The following ZNF578 variants were observed in gnomAD, a reference collection of about 807,000 sequenced individuals.
The protein encoded by ZNF578 is zinc finger protein 578.
ZNF578 carries 8 observed loss-of-function variants against 8.3 expected under a neutral mutation model. That is an observed-to-expected ratio of 0.96 (90% CI 0.56 to 1.74). The LOEUF (loss-of-function observed/expected upper bound fraction) is 1.74. Among genes scored for constraint, ZNF578 ranks in the 40% most tolerant of loss-of-function variants. ZNF578 has a pLI of 0.00. For missense variants in ZNF578, 726 were observed against 707.5 expected (o/e 1.03, Z -0.30); for synonymous variants, 206 against 232.2 (o/e 0.89, Z 1.03).
intron 3 of ZNF578, among the ~76,000 whole-genome samples, chr19:52,492,317 C>T (rs894957592): frequency 5.3e-5 from 8 of 152,098 alleles, no homozygotes; most frequent in Non-Finnish European, 7.4e-5. Context: ...CTCAGGCTTC[C>T]GCCTCGTGCC....
At chr19:52,495,779 A>G (rs576785245) in intron 3 of ZNF578, among the ~76,000 whole-genome samples, 9 of 151,900 alleles carry the variant, frequency 5.9e-5, no homozygotes, top group African/African-American at 2.2e-4. Flanking sequence ...ATGGCGTCAG[A>G]GGCAGCTTCC....
intron 1 of ZNF578, chr19:52,454,054 G>A (rs1434805007): frequency 6.6e-6 from 1 of 152,204 alleles, no homozygotes; most frequent in Non-Finnish European, 1.5e-5. Context: ...TCCTCCTTGG[G>A]CTGGGCCCTT....
intron 2 of ZNF578, chr19:52,474,643 G>A (rs2059302384): frequency 3.1e-6 from 1 of 322,704 alleles, no homozygotes; most frequent in Non-Finnish European, 6.4e-6. Context: ...ACATTTGTAA[G>A]GTTTCTCTCC....
At chr19:52,482,988 T>C (rs2122849293) in intron 2 of ZNF578, among the ~76,000 whole-genome samples, 1 of 151,006 alleles carries the variant, frequency 6.6e-6, no homozygotes, top group East Asian at 1.9e-4. Flanking sequence ...CATGCATCTG[T>C]AGTCCCATCT....
intron 2 of ZNF578, among the ~76,000 whole-genome samples, chr19:52,482,990 G>T (rs1226690279): frequency 6.7e-6 from 1 of 150,152 alleles, no homozygotes; most frequent in African/African-American, 2.5e-5. Flanking sequence ...TGCATCTGTA[G>T]TCCCATCTAC....
chr19:52,490,661 G>A (rs1306921796), intron 2 of ZNF578, among the ~76,000 whole-genome samples: 2 of 149,280 alleles, frequency 1.3e-5, no homozygotes, highest in Non-Finnish European at 1.5e-5. Flanking sequence ...TTTTTGAGAC[G>A]GAGTCTTGCT....
intron 5 of ZNF578, among the ~76,000 whole-genome samples, chr19:52,505,757 AGTTTGTT>A (rs2059423560): frequency 6.6e-6 from 1 of 152,020 alleles, no homozygotes; most frequent in Non-Finnish European, 1.5e-5. Flanking sequence ...ACCTATGTTC[AGTTTGTT>A]GTAGGGTCAA....
intron 2 of ZNF578, among the ~76,000 whole-genome samples, chr19:52,459,839 A>T (rs1302691339): frequency 1.6e-5 from 2 of 124,498 alleles, no homozygotes; most frequent in Non-Finnish European, 3.2e-5. Context: ...CAGTGGTGCG[A>T]TCTTGGCTCA....
chr19:52,510,581 C>T lies in ZNF578; in HGVS notation c.200C>T (p.Ser67Phe), dbSNP rs768171539. ...YRNLEAVDIS[S>F]KRMMKEVLST... ...TGTTTATATTTTGTAGATATCTCTT[C>T]CAAACGCATGATGAAGGAGGTCTTG... is the stretch of plus-strand genomic sequence containing the variant. Residue 67 changes from serine (S) to phenylalanine (F), a missense_variant, in exon 6 of 6, where the codon TCC becomes TTC. Coordinates refer to ENST00000421239, the MANE Select transcript of ZNF578 (RefSeq NM_001099694.2). 1 of 1,537,006 alleles carries T rather than the reference C, an allele frequency of 6.5e-7. No homozygotes were observed. The highest frequency in any genetic ancestry group is 2.2e-5 in the Admixed American group (1 of 46,258).
intron 2 of ZNF578, among the ~76,000 whole-genome samples, chr19:52,484,188 A>G (rs774403551): frequency 2.0e-5 from 3 of 152,206 alleles, no homozygotes; most frequent in Non-Finnish European, 4.4e-5. Flanking sequence ...TAAACACCTC[A>G]ATGCCTTAAA....
intron 3 of ZNF578, among the ~76,000 whole-genome samples, chr19:52,496,733 G>T (rs2059388235): frequency 1.3e-5 from 2 of 151,926 alleles, no homozygotes; most frequent in Non-Finnish European, 2.9e-5. Context: ...CGCCTCTGGG[G>T]TTCATGTGAT....
intron 2 of ZNF578, among the ~76,000 whole-genome samples, chr19:52,486,718 C>T (rs2059347095): frequency 1.3e-5 from 2 of 151,020 alleles, no homozygotes; most frequent in African/African-American, 4.9e-5. Context: ...GGTCGGGACA[C>T]GGGAGTGTAT....
At chr19:52,462,513 T>A (rs756758782) in intron 2 of ZNF578, among the ~76,000 whole-genome samples, 4 of 152,162 alleles carry the variant, frequency 2.6e-5, no homozygotes, top group Non-Finnish European at 1.5e-5. Flanking sequence ...CCAATAGGTA[T>A]AATTTTGGTC....
At chr19:52,499,716 A>G (rs1461167589) in intron 3 of ZNF578, among the ~76,000 whole-genome samples, 1 of 127,614 alleles carries the variant, frequency 7.8e-6, no homozygotes, top group African/African-American at 3.1e-5. Context: ...ATGAATTTTC[A>G]CTCTTATGGC....
chr19:52,496,356 G>C (rs1353519617), intron 3 of ZNF578, among the ~76,000 whole-genome samples: 1 of 110,452 alleles, frequency 9.1e-6, no homozygotes, highest in African/African-American at 3.0e-5. Context: ...TTGAGACAGA[G>C]TCTCGCTCTG....
At chr19:52,490,640 AT>A (rs200893705) in intron 2 of ZNF578, among the ~76,000 whole-genome samples, 1,683 of 143,356 alleles carry the variant, frequency 0.012, 13 homozygotes, top group Middle Eastern at 0.029. Context: ...TTGTATTAAC[AT>A]TTTTTTTTTT....
At chr19:52,489,823 T>A (rs1446410837) in intron 2 of ZNF578, among the ~76,000 whole-genome samples, 2 of 151,792 alleles carry the variant, frequency 1.3e-5, no homozygotes, top group Non-Finnish European at 2.9e-5. Context: ...TCCCGGCTAA[T>A]TTTTTTGTAC....
At position 52,501,919 on chromosome 19, in the gene ZNF578, A is replaced by G; in HGVS notation, c.63+11A>G. ...ATGGCTCTTCCTCAGGTGAAGTGAT[A>G]TTCCTCTGTGGATTAATCTGTCTCT... On this transcript the variant is annotated intron_variant, in intron 4 of 5. Coordinates refer to ENST00000421239, the MANE Select transcript of ZNF578 (RefSeq NM_001099694.2). 2.5e-6 allele frequency: 4 copies of G among 1,612,068 alleles called. No individual in the cohort carries two copies. Among genetic ancestry groups the G allele is most frequent in the Non-Finnish European group, 2.5e-6 (3 of 1,179,486 alleles).
Position 52,454,107 on chromosome 19 carries a change from C to T in ZNF578, c.-213+500C>T, listed in dbSNP as rs1404135404. 3 of 152,244 alleles carry T rather than the reference C, an allele frequency of 2.0e-5. No individual in the cohort carries two copies. The South Asian group carries it at 6.2e-4, about 32-fold the overall frequency. 9.4% of individuals were successfully genotyped at this position (152,244 alleles called of 1,614,324 possible). On this transcript the variant is annotated intron_variant, in intron 1 of 5. Coordinates refer to ENST00000421239, the MANE Select transcript of ZNF578 (RefSeq NM_001099694.2). ...CCTTCACAACCCACATTCCTTACCCCGCATTGAGGGAGGTGACGGGGCCTG... is the reference window on the plus strand; with the variant it reads ...CCTTCACAACCCACATTCCTTACCCTGCATTGAGGGAGGTGACGGGGCCTG...
Sources: allele counts gnomAD v4.1 joint callset (sites outside exome capture counted in the v4.1 genomes callset), GRCh38; gene constraint gnomAD v4.1.1; transcripts MANE v1.5; gene names NCBI Gene and HGNC (gene_info 2026-07-23, HGNC 2026-07-21).